Variants in ELF1 observed in about 807,000 individuals in gnomAD.
The protein encoded by ELF1 is E74 like ETS transcription factor 1, also known as ETS-related transcription factor Elf-1.
In ELF1, 24 loss-of-function variants were observed where a neutral mutation model predicts 59.9. That is an observed-to-expected ratio of 0.40 (90% CI 0.29 to 0.56). ELF1 has a LOEUF of 0.56. Among genes scored for constraint, ELF1 ranks in the 20% least tolerant of loss-of-function variants. The pLI, the probability that ELF1 is intolerant of heterozygous loss-of-function variation, is 0.44. For missense variants in ELF1, 627 were observed against 742.2 expected, an observed-to-expected ratio of 0.84 and a Z score of 1.80; for synonymous variants, 248 against 266.2, an observed-to-expected ratio of 0.93 and a Z score of 0.67.
rs1011509794 is a variant in ELF1 at position 40,988,168 on chromosome 13, C to A, written c.-228-5886G>T. ...AAGTCAGTGGTATGAAGATAAACTG[C>A]ACACAGTCTTCCAAAGTTTGCCCAT... On this transcript the variant is annotated intron_variant, in intron 1 of 8. Transcript: ENST00000239882. Among the ~76,000 whole-genome samples, 3 of 152,316 alleles carry A rather than the reference C, an allele frequency of 2.0e-5. No homozygotes were observed. The South Asian group carries it at 6.2e-4, about 32-fold the overall frequency.
intron 1 of ELF1, among the ~76,000 whole-genome samples, chr13:41,057,906 G>A (rs551446599): frequency 3.3e-5 from 5 of 152,250 alleles, no homozygotes; most frequent in African/African-American, 9.6e-5. Context: ...CGAATACCAA[G>A]GTCACTTTCA....
At chr13:41,003,355 T>A (rs1213735168) in intron 1 of ELF1, among the ~76,000 whole-genome samples, 1 of 152,210 alleles carries the variant, frequency 6.6e-6, no homozygotes, top group Non-Finnish European at 1.5e-5. Context: ...TCCTTAAAAA[T>A]TAAATTCATA....
intron 1 of ELF1, among the ~76,000 whole-genome samples, chr13:40,989,662 A>G (rs1368382361): frequency 6.6e-6 from 1 of 152,202 alleles, no homozygotes; most frequent in Admixed American, 6.5e-5. Context: ...AGTAAAATGA[A>G]AACAGCTCTA....
At chr13:40,954,753 A>G (rs536805088) in intron 3 of ELF1, among the ~76,000 whole-genome samples, 1 of 151,252 alleles carries the variant, frequency 6.6e-6, no homozygotes, top group East Asian at 2.0e-4. Flanking sequence ...CTCAGTGCTC[A>G]ATGGTGCCCA....
chr13:41,012,778 G>C (rs149533362), intron 1 of ELF1, among the ~76,000 whole-genome samples: 1 of 151,504 alleles, frequency 6.6e-6, no homozygotes, highest in East Asian at 1.9e-4. Flanking sequence ...GGCTGGTCTC[G>C]AATTTCTGGC....
intron 2 of ELF1, among the ~76,000 whole-genome samples, chr13:40,980,748 C>T (rs1404656091): frequency 6.6e-6 from 1 of 152,166 alleles, no homozygotes; most frequent in African/African-American, 2.4e-5. Context: ...CTGTTTCAAA[C>T]CTTAATATAC....
At chr13:41,046,653 T>C (rs370595935) in intron 1 of ELF1, among the ~76,000 whole-genome samples, 2 of 152,310 alleles carry the variant, frequency 1.3e-5, no homozygotes, top group South Asian at 2.1e-4. Context: ...CTGAGAGATC[T>C]GCTGTTAGTC....
At chr13:40,977,901 A>G (rs1164164692) in intron 2 of ELF1, among the ~76,000 whole-genome samples, 1 of 152,256 alleles carries the variant, frequency 6.6e-6, no homozygotes, top group Non-Finnish European at 1.5e-5. Flanking sequence ...GCCTGTACAC[A>G]TGGTAATTTA....
intron 3 of ELF1, among the ~76,000 whole-genome samples, chr13:40,953,069 C>T (rs9315796): frequency 0.53 from 79,997 of 151,004 alleles, 24,611 homozygotes; most frequent in Non-Finnish European, 0.68. Context: ...CTCTGCCTCC[C>T]AGATTCAAGC....
chr13:40,975,521 C>CTTAA (rs1361956838), intron 2 of ELF1, among the ~76,000 whole-genome samples: 6 of 152,158 alleles, frequency 3.9e-5, no homozygotes, highest in Non-Finnish European at 7.3e-5. Flanking sequence ...CAATGACAAT[C>CTTAA]TTTAAAAGTT....
intron 2 of ELF1, among the ~76,000 whole-genome samples, chr13:40,968,654 T>C (rs9532690): frequency 0.55 from 82,792 of 151,886 alleles, 25,738 homozygotes; most frequent in Non-Finnish European, 0.69. Flanking sequence ...TAAAAAAATA[T>C]GCCACTAAAA....
chr13:40,943,235 A>G, intron 6 of ELF1, 91 bp from the exon 7 acceptor site: 1 of 1,100,430 alleles, frequency 9.1e-7, no homozygotes, highest in Non-Finnish European at 1.2e-6. Context: ...AGTGCCATTT[A>G]TATTTATACA....
intron 1 of ELF1, among the ~76,000 whole-genome samples, chr13:41,034,132 A>G (rs78284535): frequency 0.014 from 2,181 of 152,298 alleles, 65 homozygotes; most frequent in African/African-American, 0.051. Flanking sequence ...AACAAGAGAT[A>G]TAATCAAATT....
At chr13:40,968,540 T>C (rs1872325138) in intron 2 of ELF1, among the ~76,000 whole-genome samples, 1 of 152,152 alleles carries the variant, frequency 6.6e-6, no homozygotes, top group African/African-American at 2.4e-5. Flanking sequence ...ATTTCAGGAA[T>C]TGATGTATTA....
chr13:41,057,411 C>G (rs557352204), intron 1 of ELF1, among the ~76,000 whole-genome samples: 1 of 151,706 alleles, frequency 6.6e-6, no homozygotes, highest in African/African-American at 2.4e-5. Flanking sequence ...CCCCCCACCC[C>G]GAGATGGAGT....
At chr13:41,027,375 C>A (rs924424327) in intron 1 of ELF1, among the ~76,000 whole-genome samples, 4 of 152,224 alleles carry the variant, frequency 2.6e-5, no homozygotes, top group Non-Finnish European at 5.9e-5. Flanking sequence ...CCATTTTCCC[C>A]AGCCACCTGT....
chr13:40,955,946 G>C (rs553593251), intron 3 of ELF1, among the ~76,000 whole-genome samples: 2 of 115,920 alleles, frequency 1.7e-5, no homozygotes, highest in Non-Finnish European at 3.8e-5. Flanking sequence ...CCGGGAGGGA[G>C]GCGGGGGGGT....
chr13:40,960,249 C>G (rs1379165430), intron 2 of ELF1, among the ~76,000 whole-genome samples: 2 of 152,052 alleles, frequency 1.3e-5, no homozygotes, highest in Non-Finnish European at 2.9e-5. Context: ...CTAATTGTCC[C>G]ACTAATGTCC....
intron 2 of ELF1, among the ~76,000 whole-genome samples, chr13:40,977,132 G>A (rs543274377): frequency 6.7e-4 from 101 of 151,732 alleles, no homozygotes; most frequent in Admixed American, 1.6e-3. Flanking sequence ...AAACTATGCC[G>A]GCTGTTCTTC....
Sources: allele counts gnomAD v4.1 joint callset (sites outside exome capture counted in the v4.1 genomes callset), GRCh38; gene constraint gnomAD v4.1.1; transcripts MANE v1.5; gene names NCBI Gene and HGNC (gene_info 2026-07-23, HGNC 2026-07-21).